ADAMTSL1: variants seen among roughly 807,000 people sequenced by gnomAD.
ADAMTSL1 encodes ADAMTS-like protein 1.
In ADAMTSL1, 126 loss-of-function variants were observed where a neutral mutation model predicts 201.8. The observed-to-expected ratio is 0.62, with a 90% CI of 0.54 to 0.72. The LOEUF (loss-of-function observed/expected upper bound fraction) is 0.72. ADAMTSL1 is among the 30% of genes least tolerant of loss of function. The pLI is 0.00. For missense variants in ADAMTSL1, 2,679 were observed against 2,277.8 expected (o/e 1.18, Z -3.59); for synonymous variants, 1,121 against 903.4 (o/e 1.24, Z -4.32).
chr9:18,048,438 G>A (rs554270162), intron 1 of ADAMTSL1, among the ~76,000 whole-genome samples: 2 of 152,246 alleles, frequency 1.3e-5, no homozygotes, highest in South Asian at 2.1e-4. Flanking sequence ...TCTGAGTAGA[G>A]TATGGGCTTT....
chr9:18,729,571 G>A (rs923201490), intron 15 of ADAMTSL1, among the ~76,000 whole-genome samples: 4 of 152,276 alleles, frequency 2.6e-5, no homozygotes, highest in East Asian at 1.9e-4. Flanking sequence ...TCCTGCATCC[G>A]TCCATTTATA....
At chr9:18,318,371 C>T (rs972619863) in intron 2 of ADAMTSL1, among the ~76,000 whole-genome samples, 1 of 152,132 alleles carries the variant, frequency 6.6e-6, no homozygotes, top group African/African-American at 2.4e-5. Context: ...AATATCAGCA[C>T]TACCTGGAAA....
At chr9:18,186,465 C>T (rs763585948) in intron 2 of ADAMTSL1, among the ~76,000 whole-genome samples, 8 of 152,094 alleles carry the variant, frequency 5.3e-5, no homozygotes, top group Non-Finnish European at 7.4e-5. Context: ...TGCCTAGTCC[C>T]TACCCAAATA....
chr9:18,616,036 T>TG (rs1362200168), intron 4 of ADAMTSL1, among the ~76,000 whole-genome samples: 2 of 152,154 alleles, frequency 1.3e-5, no homozygotes, highest in East Asian at 3.9e-4. Flanking sequence ...AAATTGCTTT[T>TG]TTTTTTGGAG....
At chr9:18,848,091 C>T (rs777870903) in intron 23 of ADAMTSL1, among the ~76,000 whole-genome samples, 13 of 152,126 alleles carry the variant, frequency 8.5e-5, no homozygotes, top group Non-Finnish European at 1.5e-4. Context: ...TAATTTGGCT[C>T]ACATGTGCTG....
At chr9:18,808,914 A>G (rs1302984537) in intron 20 of ADAMTSL1, among the ~76,000 whole-genome samples, 1 of 152,224 alleles carries the variant, frequency 6.6e-6, no homozygotes, top group Admixed American at 6.5e-5. Context: ...TGTAAAAGAT[A>G]GTACTGTTGT....
intron 15 of ADAMTSL1, among the ~76,000 whole-genome samples, chr9:18,722,290 C>G (rs1023047613): frequency 6.6e-6 from 1 of 152,092 alleles, no homozygotes; most frequent in Non-Finnish European, 1.5e-5. Context: ...TTTATGGTGT[C>G]TTGAGAAACT....
intron 1 of ADAMTSL1, among the ~76,000 whole-genome samples, chr9:18,133,382 A>G (rs1019813395): frequency 6.6e-6 from 1 of 152,150 alleles, no homozygotes; most frequent in Non-Finnish European, 1.5e-5. Flanking sequence ...TGCCTTAACA[A>G]TAACGACCAG....
At chr9:18,159,627 T>A (rs1233734969) in intron 1 of ADAMTSL1, among the ~76,000 whole-genome samples, 2 of 152,020 alleles carry the variant, frequency 1.3e-5, no homozygotes, top group Non-Finnish European at 1.5e-5. Context: ...ACTTTCCAAA[T>A]TTCAGTCACA....
At chr9:18,419,384 A>AT (rs34017123) in intron 2 of ADAMTSL1, among the ~76,000 whole-genome samples, 39,619 of 152,046 alleles carry the variant, frequency 0.26, 5,661 homozygotes, top group East Asian at 0.45. Flanking sequence ...TAATTGAACT[A>AT]TTTTTTTCTC....
Position 18,905,858 on chromosome 9 carries a change from C to T in ADAMTSL1, c.4928C>T (p.Thr1643Ile). 1.2e-6 allele frequency: 2 copies of T among 1,613,314 alleles called. No homozygotes were observed. The highest frequency in any genetic ancestry group is 2.2e-5 in the East Asian group (1 of 44,878). The change falls in exon 27 of 29, where the codon ACC (threonine) becomes ATC (isoleucine). Residue 1643 changes from threonine to isoleucine, a missense_variant. Coordinates refer to ENST00000380548, the MANE Select transcript of ADAMTSL1 (RefSeq NM_001040272.6). ...TTCTGCCAGACACGGGATGGCATCACCTTACCATCAGAGCAGTGCAGTGCT... is the reference window on the plus strand; with the variant it reads ...TTCTGCCAGACACGGGATGGCATCATCTTACCATCAGAGCAGTGCAGTGCT... The part of the protein sequence containing the change: ...QVFCQTRDGI[T>I]LPSEQCSALP...
intron 1 of ADAMTSL1, among the ~76,000 whole-genome samples, chr9:17,962,513 C>T (rs1327856307): frequency 6.6e-6 from 1 of 152,120 alleles, no homozygotes; most frequent in Non-Finnish European, 1.5e-5. Flanking sequence ...CCAGGGCCTG[C>T]TATCTATGTG....
intron 1 of ADAMTSL1, among the ~76,000 whole-genome samples, chr9:17,976,567 G>A (rs1818456991): frequency 6.6e-6 from 1 of 151,458 alleles, no homozygotes; most frequent in African/African-American, 2.4e-5. Context: ...AACATAGCTG[G>A]TTTCTGTATG....
At chr9:18,311,508 A>G (rs946614826) in intron 2 of ADAMTSL1, among the ~76,000 whole-genome samples, 3 of 152,154 alleles carry the variant, frequency 2.0e-5, no homozygotes, top group African/African-American at 7.2e-5. Context: ...TAGCAGAGTC[A>G]ACCTGGCTCC....
chr9:18,610,950 A>C (rs1825324244), intron 4 of ADAMTSL1, among the ~76,000 whole-genome samples: 1 of 152,148 alleles, frequency 6.6e-6, no homozygotes, highest in Non-Finnish European at 1.5e-5. Context: ...TTTCCAGAAA[A>C]ATTTTCGGAG....
intron 2 of ADAMTSL1, among the ~76,000 whole-genome samples, chr9:18,180,818 G>C (rs143092731): frequency 6.6e-6 from 1 of 152,008 alleles, no homozygotes; most frequent in African/African-American, 2.4e-5. Context: ...ACAAGAGCCC[G>C]CATCGCCAAG....
chr9:18,623,386 T>A (rs1826156075), intron 5 of ADAMTSL1, among the ~76,000 whole-genome samples: 1 of 152,330 alleles, frequency 6.6e-6, no homozygotes, highest in South Asian at 2.1e-4. Flanking sequence ...CTTAGCCAGA[T>A]TATGGGACTT....
At chr9:18,304,837 A>G (rs868496631) in intron 2 of ADAMTSL1, among the ~76,000 whole-genome samples, 1 of 152,286 alleles carries the variant, frequency 6.6e-6, no homozygotes, top group South Asian at 2.1e-4. Context: ...TTTACTATAA[A>G]CTATTTTTAT....
At chr9:18,448,306 T>A (rs1820275268) in intron 2 of ADAMTSL1, among the ~76,000 whole-genome samples, 2 of 152,156 alleles carry the variant, frequency 1.3e-5, no homozygotes, top group Admixed American at 1.3e-4. Flanking sequence ...CACAGGACAC[T>A]GGATGAGCTA....
Sources: gnomAD v4.1 joint callset for allele counts (sites outside exome capture counted in the v4.1 genomes callset) on GRCh38, gnomAD v4.1.1 for gene constraint, MANE v1.5 for transcripts, NCBI Gene and HGNC (gene_info 2026-07-23, HGNC 2026-07-21) for gene names.